Variants in FSTL5 observed in about 807,000 individuals in gnomAD.
FSTL5 encodes the protein follistatin like 5, also known as follistatin-related protein 5.
In FSTL5, 62 loss-of-function variants were observed where a neutral mutation model predicts 89.1. The observed-to-expected ratio is 0.70, with a 90% CI of 0.57 to 0.86. The LOEUF (loss-of-function observed/expected upper bound fraction) is 0.86. Ranked by LOEUF, FSTL5 falls within the 40% of genes least tolerant of loss-of-function variation. The pLI is 0.00. For missense variants in FSTL5, 1,057 were observed against 1,001.6 expected, an observed-to-expected ratio of 1.06 and a Z score of -0.75; for synonymous variants, 383 against 346.2, an observed-to-expected ratio of 1.11 and a Z score of -1.18.
chr4:161,897,257 G>A (rs1361643384), intron 4 of FSTL5, among the ~76,000 whole-genome samples: 3 of 151,584 alleles, frequency 2.0e-5, no homozygotes, highest in African/African-American at 4.8e-5. Flanking sequence ...GGTAATTGGA[G>A]GAATACTAAG....
chr4:161,459,926 T>G (rs1396143632), intron 13 of FSTL5, among the ~76,000 whole-genome samples: 4 of 149,738 alleles, frequency 2.7e-5, no homozygotes, highest in Admixed American at 1.3e-4. Context: ...TGAAAATGTG[T>G]TTTTTTTGCT....
intron 10 of FSTL5, among the ~76,000 whole-genome samples, chr4:161,519,619 C>A (rs1187708866): frequency 1.3e-5 from 2 of 152,140 alleles, no homozygotes; most frequent in African/African-American, 4.8e-5. Context: ...AGATTGGCAA[C>A]ACCTAAGCTT....
intron 15 of FSTL5, among the ~76,000 whole-genome samples, chr4:161,402,207 C>G (rs1731203318): frequency 6.6e-6 from 1 of 152,058 alleles, no homozygotes; most frequent in African/African-American, 2.4e-5. Flanking sequence ...TCATTTGCAA[C>G]AAATGCATCA....
chr4:161,822,852 C>G (rs1000688555), intron 4 of FSTL5, among the ~76,000 whole-genome samples: 2 of 152,184 alleles, frequency 1.3e-5, no homozygotes, highest in Non-Finnish European at 2.9e-5. Flanking sequence ...AATGACAGAA[C>G]AGCTCTCAGG....
intron 3 of FSTL5, among the ~76,000 whole-genome samples, chr4:161,924,750 G>C (rs377648915): frequency 6.6e-6 from 1 of 151,800 alleles, no homozygotes; most frequent in Non-Finnish European, 1.5e-5. Flanking sequence ...GCATGGAATA[G>C]AGACAGAAGC....
intron 6 of FSTL5, among the ~76,000 whole-genome samples, chr4:161,717,357 G>A (rs1405953148): frequency 2.0e-5 from 3 of 152,164 alleles, no homozygotes; most frequent in Non-Finnish European, 2.9e-5. Flanking sequence ...TGAAACTATA[G>A]CTGGTTTCAG....
At chr4:161,911,486 A>G (rs933912702) in intron 4 of FSTL5, among the ~76,000 whole-genome samples, 1 of 152,150 alleles carries the variant, frequency 6.6e-6, no homozygotes, top group Non-Finnish European at 1.5e-5. Context: ...CGTGATTACA[A>G]TGCATGTTCA....
intron 4 of FSTL5, among the ~76,000 whole-genome samples, chr4:161,907,522 G>T (rs1043861487): frequency 1.3e-5 from 2 of 152,126 alleles, no homozygotes; most frequent in African/African-American, 4.8e-5. Flanking sequence ...CAAATGAGAA[G>T]TTCCAAAAGT....
chr4:162,162,417 A>ACT (rs1005359781), intron 1 of FSTL5, among the ~76,000 whole-genome samples: 1 of 151,176 alleles, frequency 6.6e-6, no homozygotes, highest in Non-Finnish European at 1.5e-5. Flanking sequence ...TGCAACCTAA[A>ACT]CTCTCTCTCT....
intron 15 of FSTL5, among the ~76,000 whole-genome samples, chr4:161,434,091 C>T (rs1488827086): frequency 6.6e-6 from 1 of 151,976 alleles, no homozygotes; most frequent in Non-Finnish European, 1.5e-5. Flanking sequence ...CTCAGAATAG[C>T]CAAAGCAATC....
intron 13 of FSTL5, among the ~76,000 whole-genome samples, chr4:161,461,385 C>G (rs1435036147): frequency 7.3e-6 from 1 of 137,238 alleles, no homozygotes; most frequent in East Asian, 2.2e-4. Flanking sequence ...TGGCATGAAC[C>G]TGGGAGGCGG....
chr4:162,043,124 G>T (rs538575495), intron 2 of FSTL5: 1 of 152,074 alleles, frequency 6.6e-6, no homozygotes, highest in Non-Finnish European at 1.5e-5. Flanking sequence ...CAACAAAAAA[G>T]AAAATGTTCT....
At chr4:162,091,830 T>C (rs1271854151) in intron 2 of FSTL5, among the ~76,000 whole-genome samples, 1 of 151,954 alleles carries the variant, frequency 6.6e-6, no homozygotes, top group East Asian at 1.9e-4. Context: ...GTGGATTTCC[T>C]TTTATGTGGA....
intron 2 of FSTL5, among the ~76,000 whole-genome samples, chr4:162,093,491 C>T (rs1730631632): frequency 6.6e-6 from 1 of 152,030 alleles, no homozygotes; most frequent in Admixed American, 6.6e-5. Flanking sequence ...TGGAAAAACA[C>T]AATATTGGAG....
intron 4 of FSTL5, among the ~76,000 whole-genome samples, chr4:161,900,656 AAAGAAAGAAAG>A (rs1305233077): frequency 9.3e-6 from 1 of 107,346 alleles, no homozygotes; most frequent in Non-Finnish European, 1.9e-5. Context: ...AAAAAAAAAA[AAAGAAAGAAAG>A]AAAGAAAGAA....
At chr4:161,986,775 G>C (rs186210269) in intron 3 of FSTL5, among the ~76,000 whole-genome samples, 8 of 152,068 alleles carry the variant, frequency 5.3e-5, no homozygotes, top group East Asian at 1.9e-4. Flanking sequence ...CTAGGAAAGC[G>C]GGTGGCACAG....
intron 15 of FSTL5, among the ~76,000 whole-genome samples, chr4:161,452,293 T>C (rs1268837482): frequency 6.6e-6 from 1 of 152,094 alleles, no homozygotes; most frequent in Non-Finnish European, 1.5e-5. Context: ...CTGACCAAGA[T>C]GGTGAAACTC....
At chr4:161,663,260 A>G (rs2126689507) in intron 6 of FSTL5, among the ~76,000 whole-genome samples, 1 of 152,290 alleles carries the variant, frequency 6.6e-6, no homozygotes. Context: ...TTATTTCAGT[A>G]TTAACCCAAA....
intron 1 of FSTL5, among the ~76,000 whole-genome samples, chr4:162,161,124 G>A (rs1733679895): frequency 6.6e-6 from 1 of 151,872 alleles, no homozygotes; most frequent in African/African-American, 2.4e-5. Context: ...AAACGGTGCT[G>A]TATATATTTG....
Sources: gnomAD v4.1 joint callset for allele counts (sites outside exome capture counted in the v4.1 genomes callset) on GRCh38, gnomAD v4.1.1 for gene constraint, MANE v1.5 for transcripts, NCBI Gene and HGNC (gene_info 2026-07-23, HGNC 2026-07-21) for gene names.